IL13: variants seen among roughly 807,000 people sequenced by gnomAD.
The protein encoded by IL13 is interleukin-13.
A neutral mutation model predicts 11.1 loss-of-function variants in IL13; 9 were observed. That is an observed-to-expected ratio of 0.81 (90% CI 0.49 to 1.42). The LOEUF (loss-of-function observed/expected upper bound fraction) is 1.42, where lower values mean the gene tolerates loss of function less well. IL13 is among the 40% of genes most tolerant of loss of function. The probability of loss-of-function intolerance (pLI) is 0.00; values close to 1 mark genes in which losing one functional copy is unlikely to be tolerated. For missense variants in IL13, 181 were observed against 182.5 expected (o/e 0.99, Z 0.05); for synonymous variants, 75 against 76.9 (o/e 0.97, Z 0.13).
rs1057286474 is a variant in IL13, at chr5:132,659,500, G to A, written c.228+29G>A. 4 of 1,596,294 alleles carry A rather than the reference G, an allele frequency of 2.5e-6. No individual in the cohort carries two copies. The highest frequency in any genetic ancestry group is 1.7e-4 in the Middle Eastern group (1 of 6,054). ...AGGACCTTTGGGTGCAGGGAGGATG[G>A]GGCAGAGGCTCCAGGCCTTGGGCTT... On this transcript the variant is annotated intron_variant, in intron 2 of 3. Transcript: ENST00000304506. The surrounding 1 kb of genome is among the most constrained non-coding windows in gnomAD (Gnocchi z 4.1).
chr5:132,659,792 G>T lies in IL13; in HGVS notation c.297G>T (p.Met99Ile), dbSNP rs749795771. 1.2e-6 allele frequency: 2 copies of T among 1,613,894 alleles called. No individual in the cohort carries two copies. The highest frequency in any genetic ancestry group is 1.7e-6 in the Non-Finnish European group (2 of 1,180,012). Residue 99 changes from methionine (M) to isoleucine (I), a missense_variant, in exon 3 of 4, where the codon ATG becomes ATT. Transcript: ENST00000304506. The surrounding 1 kb of genome is among the most constrained non-coding windows in gnomAD (Gnocchi z 4.1). ...GCSAIEKTQRMLSGFCPHKVS... is the reference protein window; with the variant it reads ...GCSAIEKTQRILSGFCPHKVS... ...GTGCCATCGAGAAGACCCAGAGGAT[G>T]CTGAGCGGATTCTGCCCGCACAAGG... is the stretch of plus-strand genomic sequence containing the variant.
chr5:132,659,355 G>A lies in IL13; in HGVS notation c.175-63G>A, dbSNP rs56097948. The stretch of plus-strand genomic sequence containing the variant: ...CCTGTGCTGGGGCAGACCTGGCCTG[G>A]GCTGCCAGGGCAGGCCCACAACCCC... On this transcript the variant is annotated intron_variant, in intron 1 of 3. Transcript: ENST00000304506. This position sits in a 1 kb window ranked among gnomAD's most constrained non-coding sequence, Gnocchi z 4.1. 1,171 of 1,241,564 alleles carry A rather than the reference G, an allele frequency of 9.4e-4. 5 individuals are homozygous for A. The African/African-American group carries it at 0.013, about 14-fold the overall frequency. 76.9% of individuals were successfully genotyped at this position (1,241,564 alleles called of 1,614,324 possible).
In IL13 at chr5:132,660,499, T is replaced by C. The variant is rs375776378; in HGVS notation, c.*217T>C. The C allele has an allele frequency of 1.5e-6, 1 of 679,530 alleles. No individual in the cohort carries two copies. The highest frequency in any genetic ancestry group is 2.3e-6 in the Non-Finnish European group (1 of 438,244). 42.1% of individuals were successfully genotyped at this position (679,530 alleles called of 1,614,324 possible). ...AGGGCTCAGCCTGGTGGGCCTCCTCTGTCCAGGGCCCTGAGCTCGGTGGAC... is the reference window on the plus strand; with the variant it reads ...AGGGCTCAGCCTGGTGGGCCTCCTCCGTCCAGGGCCCTGAGCTCGGTGGAC... On this transcript the variant is annotated 3_prime_UTR_variant, in exon 4 of 4. Coordinates refer to ENST00000304506, the MANE Select transcript of IL13 (RefSeq NM_002188.3).
rs1269420739 is a variant in IL13 at position 132,660,542 on chromosome 5, C to T, written c.*260C>T. 4.4e-6 allele frequency: 2 copies of T among 450,128 alleles called. No homozygotes were observed. Among genetic ancestry groups the T allele is most frequent in the Non-Finnish European group, 8.0e-6 (2 of 248,870 alleles). The allele number at this position is 450,128 out of a possible 1,614,324, so 27.9% of individuals were successfully genotyped here. A position where few individuals can be genotyped will look rare whatever the true frequency, so the allele number is the denominator to read the frequency against. On this transcript the variant is annotated 3_prime_UTR_variant, in exon 4 of 4. Coordinates refer to ENST00000304506, the MANE Select transcript of IL13 (RefSeq NM_002188.3). ...CGGTGGACCCAGGGATGACATGTCC[C>T]TACACCCCTCCCCTGCCCTAGAGCA...
rs200542257 is a variant in IL13 at position 132,658,361 on chromosome 5, G to T, written c.174+1G>T. 2 of 1,595,688 alleles carry T rather than the reference G, an allele frequency of 1.3e-6. No homozygotes were observed. The highest frequency in any genetic ancestry group is 8.6e-7 in the Non-Finnish European group (1 of 1,165,662). Reference sequence around the variant, plus strand: ...GGTCAACATCACCCAGAACCAGAAGGTGAGTGTCGGCTAGCCAGGGTCCTA... The same window carrying T: ...GGTCAACATCACCCAGAACCAGAAGTTGAGTGTCGGCTAGCCAGGGTCCTA... On this transcript the variant is annotated splice_donor_variant, in intron 1 of 3. Coordinates refer to ENST00000304506, the MANE Select transcript of IL13 (RefSeq NM_002188.3). LOFTEE classifies it high-confidence loss of function.
chr5:132,660,327 G>GA lies in IL13; in HGVS notation c.*47dup, dbSNP rs1166267414. On this transcript the variant is annotated 3_prime_UTR_variant, in exon 4 of 4. Transcript: ENST00000304506. ...TTTGCAGAGACAGGACCTGACTATT[G>GA]AAGTTGCAGATTCATTTTTCTTTCT... 2.5e-6 allele frequency: 4 copies of GA among 1,598,102 alleles called. No individual in the cohort carries two copies.
chr5:132,659,922 G>C lies in IL13; in HGVS notation c.333+94G>C. On this transcript the variant is annotated intron_variant, in intron 3 of 3. Coordinates refer to ENST00000304506, the MANE Select transcript of IL13 (RefSeq NM_002188.3). This position sits in a 1 kb window ranked among gnomAD's most constrained non-coding sequence, Gnocchi z 4.1. ...GAAGCTGGCTGAATATCCATGGTGT[G>C]TGTCCACCCAGGGGTGGGGCCATTG... 6.5e-7 allele frequency: 1 copy of C among 1,533,264 alleles called. No individual in the cohort carries two copies. Among genetic ancestry groups the C allele is most frequent in the South Asian group, 1.2e-5 (1 of 80,644 alleles). The allele number at this position is 1,533,264 out of a possible 1,614,324, so 95.0% of individuals were successfully genotyped here.
upstream of IL13, chr5:132,658,053 CA>C: frequency 1.8e-6 from 1 of 568,672 alleles, no homozygotes; most frequent in Non-Finnish European, 3.1e-6. Flanking sequence ...GGATTTTCCA[CA>C]AAGTAAAATC....
In IL13 at chr5:132,660,314, G is replaced by A. The variant is rs1363585994; in HGVS notation, c.*32G>A. The A allele has an allele frequency of 1.2e-6, 2 of 1,604,424 alleles. No homozygotes were observed. The highest frequency in any genetic ancestry group is 2.2e-5 in the South Asian group (2 of 89,330). ...GAAAGCATCATTATTTGCAGAGACAGGACCTGACTATTGAAGTTGCAGATT... is the reference window on the plus strand; with the variant it reads ...GAAAGCATCATTATTTGCAGAGACAAGACCTGACTATTGAAGTTGCAGATT... On this transcript the variant is annotated 3_prime_UTR_variant, in exon 4 of 4. Coordinates refer to ENST00000304506, the MANE Select transcript of IL13 (RefSeq NM_002188.3).
rs747026798 is a variant in IL13 at position 132,660,228 on chromosome 5, A to G, written c.387A>G (p.Val129=). ...CCAAAATCGAGGTGGCCCAGTTTGTAAAGGACCTGCTCTTACATTTAAAGA... is the reference window on the plus strand; with the variant it reads ...CCAAAATCGAGGTGGCCCAGTTTGTGAAGGACCTGCTCTTACATTTAAAGA... ...RDTKIEVAQF[V]KDLLLHLKKL... is the part of the protein sequence containing the mutation. Residue 129 remains valine, a synonymous_variant, in exon 4 of 4, where the codon GTA becomes GTG. Transcript: ENST00000304506. 5.6e-6 allele frequency: 9 copies of G among 1,614,072 alleles called. No individual in the cohort carries two copies. The highest frequency in any genetic ancestry group is 1.3e-5 in the African/African-American group (1 of 74,930).
chr5:132,659,869 C>T lies in IL13; in HGVS notation c.333+41C>T, dbSNP rs752168427. On this transcript the variant is annotated intron_variant, in intron 3 of 3. Coordinates refer to ENST00000304506, the MANE Select transcript of IL13 (RefSeq NM_002188.3). The surrounding 1 kb of genome is among the most constrained non-coding windows in gnomAD (Gnocchi z 4.1). ...CCCTCTCACACCCACCCTGCACCCCCTCCTGCCAACCCTGGGCTCGCTGAA... is the reference window on the plus strand; with the variant it reads ...CCCTCTCACACCCACCCTGCACCCCTTCCTGCCAACCCTGGGCTCGCTGAA... 9 of 1,604,282 alleles carry T rather than the reference C, an allele frequency of 5.6e-6. No individual in the cohort carries two copies. The African/African-American group carries it at 1.2e-4, about 21-fold the overall frequency.
At position 132,659,693 on chromosome 5, in the gene IL13, G is replaced by A; in HGVS notation, c.229-31G>A. The stretch of plus-strand genomic sequence containing the variant: ...TCACAAAAGGCAGCTGCCCAAGCAG[G>A]GCCTGACCCCTCGGTGTCCCCTCCC... On this transcript the variant is annotated intron_variant, in intron 2 of 3. Coordinates refer to ENST00000304506, the MANE Select transcript of IL13 (RefSeq NM_002188.3). This position sits in a 1 kb window ranked among gnomAD's most constrained non-coding sequence, Gnocchi z 4.1. 1.2e-6 allele frequency: 2 copies of A among 1,610,760 alleles called. No individual in the cohort carries two copies. The highest frequency in any genetic ancestry group is 1.7e-6 in the Non-Finnish European group (2 of 1,177,902).
chr5:132,656,761 C>G (rs1239891346), upstream of IL13: 2 of 153,336 alleles, frequency 1.3e-5, no homozygotes, highest in African/African-American at 2.4e-5. Flanking sequence ...ACTGGGGGCC[C>G]TCGAGGGGAA....
At position 132,660,166 on chromosome 5, in the gene IL13, G is replaced by C; in HGVS notation, c.334-9G>C. ...GTTCTACTCATGTGCTGACCTCTTT[G>C]TCCTGCAGCAGTTTTCCAGCTTGCA... On this transcript the variant is annotated splice_polypyrimidine_tract_variant and intron_variant, in intron 3 of 3. Transcript: ENST00000304506. The C allele has an allele frequency of 1.9e-6, 3 of 1,613,766 alleles. No homozygotes were observed. In the South Asian group the frequency reaches 3.3e-5, roughly 18 times the overall value.
chr5:132,658,342 C>T lies in IL13; in HGVS notation c.156C>T (p.Asn52=). The stretch of plus-strand genomic sequence containing the variant: ...GGGAGCTCATTGAGGAGCTGGTCAA[C>T]ATCACCCAGAACCAGAAGGTGAGTG... ...ALRELIEELV[N]ITQNQKAPLC... is the part of the protein sequence containing the mutation. Residue 52 remains asparagine (N), a synonymous_variant, in exon 1 of 4, where the codon AAC becomes AAT. Transcript: ENST00000304506. The T allele has an allele frequency of 6.2e-7, 1 of 1,609,622 alleles. No individual in the cohort carries two copies. The highest frequency in any genetic ancestry group is 8.5e-7 in the Non-Finnish European group (1 of 1,176,600).
At position 132,660,478 on chromosome 5, in the gene IL13, C is replaced by A; in HGVS notation, c.*196C>A. The A allele has an allele frequency of 2.1e-6, 2 of 944,290 alleles. No homozygotes were observed. Among genetic ancestry groups the A allele is most frequent in the Non-Finnish European group, 3.0e-6 (2 of 671,698 alleles). 58.5% of individuals were successfully genotyped at this position (944,290 alleles called of 1,614,324 possible). ...ACCTCAGCCTTCCCCTTGCCCAGGG[C>A]TCAGCCTGGTGGGCCTCCTCTGTCC... On this transcript the variant is annotated 3_prime_UTR_variant, in exon 4 of 4. Coordinates refer to ENST00000304506, the MANE Select transcript of IL13 (RefSeq NM_002188.3).
At chr5:132,658,416 C>G in intron 1 of IL13, 56 bp downstream of exon 1, 1 of 1,079,522 alleles carries the variant, frequency 9.3e-7, no homozygotes, top group Non-Finnish European at 1.4e-6. Flanking sequence ...GGGTGATTCC[C>G]AAGATGAGGT....
At chr5:132,656,877 C>T (rs1156408082), upstream of IL13, among the ~76,000 whole-genome samples, 9 of 152,150 alleles carry the variant, frequency 5.9e-5, no homozygotes, top group Non-Finnish European at 1.5e-5. Flanking sequence ...GGTGGGCAAG[C>T]CTGGGATGCC....
chr5:132,659,951 C>A lies in IL13; in HGVS notation c.333+123C>A. 2 of 1,477,936 alleles carry A rather than the reference C, an allele frequency of 1.4e-6. No individual in the cohort carries two copies. Among genetic ancestry groups the A allele is most frequent in the Non-Finnish European group, 1.8e-6 (2 of 1,110,936 alleles). The allele number at this position is 1,477,936 out of a possible 1,614,324, so 91.6% of individuals were successfully genotyped here. A position where few individuals can be genotyped will look rare whatever the true frequency, so the allele number is the denominator to read the frequency against. ...CCACCCAGGGGTGGGGCCATTGTGGCAGCAGGGACGTGGCCTTCGGGATTT... is the reference window on the plus strand; with the variant it reads ...CCACCCAGGGGTGGGGCCATTGTGGAAGCAGGGACGTGGCCTTCGGGATTT... On this transcript the variant is annotated intron_variant, in intron 3 of 3. Coordinates refer to ENST00000304506, the MANE Select transcript of IL13 (RefSeq NM_002188.3). This position sits in a 1 kb window ranked among gnomAD's most constrained non-coding sequence, Gnocchi z 4.1.
Sources: gnomAD v4.1 joint callset for allele counts (sites outside exome capture counted in the v4.1 genomes callset) on GRCh38, gnomAD v4.1.1 for gene constraint, Gnocchi (gnomAD v3.1) non-coding constraint, MANE v1.5 for transcripts, NCBI Gene and HGNC (gene_info 2026-07-23, HGNC 2026-07-21) for gene names.